The following LEKR1 variants were observed in gnomAD, a reference collection of about 807,000 sequenced individuals.
LEKR1 encodes the protein leucine, glutamate and lysine rich 1, also known as protein LEKR1.
In LEKR1, 59 loss-of-function variants were observed where a neutral mutation model predicts 72.4. The ratio of observed to expected loss-of-function variants is 0.82; its 90% CI spans 0.66 to 1.01. LEKR1 has a LOEUF of 1.01. LEKR1 is among the 50% of genes least tolerant of loss of function. LEKR1 has a pLI of 0.00. For synonymous variants in LEKR1, 257 were observed against 263.2 expected, an observed-to-expected ratio of 0.98 and a Z score of 0.23; for missense variants, 728 against 759.2, an observed-to-expected ratio of 0.96 and a Z score of 0.48.
At chr3:156,942,157 A>G (rs1273579585) in intron 5 of LEKR1, among the ~76,000 whole-genome samples, 1 of 152,004 alleles carries the variant, frequency 6.6e-6, no homozygotes, top group Non-Finnish European at 1.5e-5. Flanking sequence ...ATGCTAGAAC[A>G]TTTAAATTTA....
intron 3 of LEKR1, among the ~76,000 whole-genome samples, chr3:156,917,550 G>A (rs567021991): frequency 6.6e-6 from 1 of 152,258 alleles, no homozygotes; most frequent in Non-Finnish European, 1.5e-5. Flanking sequence ...ATAGAAATGG[G>A]AATGTCATTG....
intron 2 of LEKR1, among the ~76,000 whole-genome samples, chr3:156,837,937 T>C (rs529351277): frequency 6.6e-6 from 1 of 152,252 alleles, no homozygotes; most frequent in East Asian, 1.9e-4. Flanking sequence ...CTCTTTCTGT[T>C]TCATGGAATC....
chr3:156,877,402 C>A (rs1718733810), intron 3 of LEKR1, among the ~76,000 whole-genome samples: 1 of 151,948 alleles, frequency 6.6e-6, no homozygotes, highest in Non-Finnish European at 1.5e-5. Flanking sequence ...GGTATCAGTT[C>A]TTTGAATGTC....
At chr3:156,919,431 A>C (rs537978243) in intron 3 of LEKR1, among the ~76,000 whole-genome samples, 2 of 152,202 alleles carry the variant, frequency 1.3e-5, no homozygotes, top group Admixed American at 1.3e-4. Flanking sequence ...GCCATTAAAA[A>C]CCAACTAGGT....
At chr3:156,895,560 G>A (rs1721090102) in intron 3 of LEKR1, among the ~76,000 whole-genome samples, 1 of 151,990 alleles carries the variant, frequency 6.6e-6, no homozygotes, top group Admixed American at 6.6e-5. Context: ...GCAATGAGCT[G>A]AGATTGCACC....
chr3:156,899,102 T>C (rs1428608017), intron 3 of LEKR1, among the ~76,000 whole-genome samples: 1 of 151,976 alleles, frequency 6.6e-6, no homozygotes, highest in Non-Finnish European at 1.5e-5. Flanking sequence ...AATTTATTCC[T>C]CAACTAAGGA....
intron 1 of LEKR1, 131 bp downstream of exon 1, chr3:156,826,507 C>T (rs1711610011): frequency 6.5e-6 from 1 of 154,364 alleles, no homozygotes; most frequent in African/African-American, 2.4e-5. Flanking sequence ...GAGCACGAGG[C>T]CCCGGGTCTG....
chr3:157,032,615 G>A (rs1394805095), intron 12 of LEKR1, among the ~76,000 whole-genome samples: 1 of 152,188 alleles, frequency 6.6e-6, no homozygotes, highest in Non-Finnish European at 1.5e-5. Context: ...TGGAAAGCAA[G>A]TGTCTAAGAG....
intron 10 of LEKR1, among the ~76,000 whole-genome samples, chr3:157,013,091 G>A (rs1252131921): frequency 6.6e-6 from 1 of 152,018 alleles, no homozygotes; most frequent in Non-Finnish European, 1.5e-5. Flanking sequence ...TTTTTGGAAA[G>A]CAATTTGTCA....
At chr3:156,878,251 A>G (rs929499061) in intron 3 of LEKR1, among the ~76,000 whole-genome samples, 2 of 152,038 alleles carry the variant, frequency 1.3e-5, no homozygotes, top group Non-Finnish European at 2.9e-5. Flanking sequence ...ACTTTTTGAT[A>G]TAAGCATTTA....
chr3:156,889,045 A>G (rs1720390590), intron 3 of LEKR1, among the ~76,000 whole-genome samples: 1 of 152,122 alleles, frequency 6.6e-6, no homozygotes, highest in South Asian at 2.1e-4. Flanking sequence ...TTTATCTAGG[A>G]GAATACATTA....
At chr3:156,999,187 T>C (rs892071652) in intron 9 of LEKR1, among the ~76,000 whole-genome samples, 1 of 152,140 alleles carries the variant, frequency 6.6e-6, no homozygotes, top group African/African-American at 2.4e-5. Flanking sequence ...ATTAAACCTC[T>C]TTCCTTTATA....
At chr3:156,829,462 A>T (rs1712076248) in intron 2 of LEKR1, 85 bp downstream of exon 2, 5 of 924,862 alleles carry the variant, frequency 5.4e-6, no homozygotes, top group Non-Finnish European at 6.5e-6. Context: ...TGAATTCATT[A>T]ATTTTGGTCA....
At position 156,983,384 on chromosome 3, in the gene LEKR1, C is replaced by A. The variant is rs143069503; in HGVS notation, c.827+4109C>A. Reference sequence around the variant, plus strand: ...GTCACACTCCAATCTACATAAGAATCATGGGTAGCTTGCTAAAATTCTATA... The same window carrying A: ...GTCACACTCCAATCTACATAAGAATAATGGGTAGCTTGCTAAAATTCTATA... On this transcript the variant is annotated intron_variant, in intron 7 of 12. Transcript: ENST00000356539. Among the ~76,000 whole-genome samples the A allele has an allele frequency of 5.6e-3, 847 of 152,274 alleles. 5 individuals carry two copies. The highest frequency in any genetic ancestry group is 0.018 in the African/African-American group (765 of 41,546).
intron 3 of LEKR1, among the ~76,000 whole-genome samples, chr3:156,869,422 G>C (rs1364044939): frequency 6.6e-6 from 1 of 151,938 alleles, no homozygotes; most frequent in Non-Finnish European, 1.5e-5. Context: ...ATATCTCGTG[G>C]TTTTGGTTGG....
At chr3:156,971,847 G>T (rs1289387341) in intron 6 of LEKR1, among the ~76,000 whole-genome samples, 1 of 152,220 alleles carries the variant, frequency 6.6e-6, no homozygotes, top group Non-Finnish European at 1.5e-5. Flanking sequence ...AACAACAGGT[G>T]CTGGAGAGGA....
intron 2 of LEKR1, among the ~76,000 whole-genome samples, chr3:156,841,905 C>A (rs1222840477): frequency 6.6e-6 from 1 of 152,136 alleles, no homozygotes; most frequent in Non-Finnish European, 1.5e-5. Context: ...TAGTACCACT[C>A]ACACAGCCCG....
chr3:156,881,731 C>G (rs1421590008), intron 3 of LEKR1, among the ~76,000 whole-genome samples: 2 of 132,500 alleles, frequency 1.5e-5, no homozygotes, highest in African/African-American at 2.8e-5. Context: ...GGAGGCATCA[C>G]ACTACCTGAC....
intron 6 of LEKR1, among the ~76,000 whole-genome samples, chr3:156,971,150 T>C (rs1729148122): frequency 6.6e-6 from 1 of 152,068 alleles, no homozygotes; most frequent in Non-Finnish European, 1.5e-5. Context: ...AGACATAGAC[T>C]AATGGAACAG....
Sources: allele counts gnomAD v4.1 joint callset (sites outside exome capture counted in the v4.1 genomes callset), GRCh38; gene constraint gnomAD v4.1.1; transcripts MANE v1.5; gene names NCBI Gene and HGNC (gene_info 2026-07-23, HGNC 2026-07-21).